HIKESHI: variants seen among roughly 807,000 people sequenced by gnomAD.
The protein encoded by HIKESHI is protein Hikeshi.
Under a neutral mutation model 25.7 loss-of-function variants are expected in HIKESHI, and 13 were observed. That is an observed-to-expected ratio of 0.51 (90% CI 0.33 to 0.80). HIKESHI has a LOEUF of 0.80. Among genes scored for constraint, HIKESHI ranks in the 30% least tolerant of loss-of-function variants. The probability of loss-of-function intolerance (pLI) is 0.02; values close to 1 mark genes in which losing one functional copy is unlikely to be tolerated. For synonymous variants in HIKESHI, 76 were observed against 78.7 expected (o/e 0.97, Z 0.18); for missense variants, 174 against 229.5 (o/e 0.76, Z 1.56).
Position 86,302,422 on chromosome 11 carries a change from T to G in HIKESHI, c.-27T>G. ...CTCCTAGTCGCCGGCTTCAGGTCACTGCCGGCTGAACGGAGCTGCCGTCGC... is the reference window on the plus strand; with the variant it reads ...CTCCTAGTCGCCGGCTTCAGGTCACGGCCGGCTGAACGGAGCTGCCGTCGC... On this transcript the variant is annotated 5_prime_UTR_variant, in exon 1 of 5. Coordinates refer to ENST00000278483, the MANE Select transcript of HIKESHI (RefSeq NM_016401.4). 1 of 1,551,904 alleles carries G rather than the reference T, an allele frequency of 6.4e-7. No homozygotes were observed.
intron 2 of HIKESHI, among the ~76,000 whole-genome samples, chr11:86,325,796 C>T (rs1036114418): frequency 9.2e-5 from 14 of 151,742 alleles, no homozygotes; most frequent in African/African-American, 2.2e-4. Context: ...GGCTTGAACC[C>T]GGGAGGCGGA....
At chr11:86,344,260 T>TC (rs1293227024) in intron 3 of HIKESHI, 2 of 186,298 alleles carry the variant, frequency 1.1e-5, no homozygotes, top group South Asian at 1.9e-4. Flanking sequence ...TCTTTTTTTT[T>TC]CCCCAAAGTG....
chr11:86,313,675 A>G (rs559119555), intron 2 of HIKESHI, among the ~76,000 whole-genome samples: 95 of 152,380 alleles, frequency 6.2e-4, no homozygotes, highest in African/African-American at 2.2e-3. Flanking sequence ...CTTGCCTGAG[A>G]TAACTCATAG....
chr11:86,337,441 A>G lies in HIKESHI; in HGVS notation c.331A>G (p.Ile111Val), dbSNP rs1194645385. ...TGTCCGAACTCCATCTGTTGCTCAGATTGGAATTTCAGTGGAATTATTAGA... is the reference window on the plus strand; with the variant it reads ...TGTCCGAACTCCATCTGTTGCTCAGGTTGGAATTTCAGTGGAATTATTAGA... ...NIVRTPSVAQ[I>V]GISVELLDSM... Residue 111 changes from isoleucine to valine, a missense_variant, in exon 3 of 5, where the codon ATT (isoleucine) becomes GTT (valine). Ile to Val is a conservative substitution (Grantham distance 29, BLOSUM62 3). Coordinates refer to ENST00000278483, the MANE Select transcript of HIKESHI (RefSeq NM_016401.4). The G allele has an allele frequency of 1.2e-6, 2 of 1,613,912 alleles. No homozygotes were observed. Among genetic ancestry groups the G allele is most frequent in the African/African-American group, 1.3e-5 (1 of 74,924 alleles).
rs1362694004 is a variant in HIKESHI at position 86,306,264 on chromosome 11, A to G, written c.50A>G (p.Gln17Arg). 2 of 1,613,134 alleles carry G rather than the reference A, an allele frequency of 1.2e-6. No homozygotes were observed. Among genetic ancestry groups the G allele is most frequent in the East Asian group, 2.2e-5 (1 of 44,878 alleles). Residue 17 changes from glutamine to arginine, a missense_variant, in exon 2 of 5, where the codon CAA becomes CGA. By Grantham distance (43) the Gln-to-Arg change is conservative. Coordinates refer to ENST00000278483, the MANE Select transcript of HIKESHI (RefSeq NM_016401.4). ...AGRLVQTAAQ[Q>R]VAEDKFVFDL... is the part of the protein sequence containing the mutation. ...TTCTAGGTGCAAACAGCTGCACAGC[A>G]AGTGGCAGAGGATAAATTTGTTTTT...
chr11:86,329,609 G>A (rs1439624882), intron 2 of HIKESHI, among the ~76,000 whole-genome samples: 2 of 138,762 alleles, frequency 1.4e-5, no homozygotes, highest in Non-Finnish European at 3.1e-5. Context: ...TTATGGTATT[G>A]TCTAGGCCTT....
intron 2 of HIKESHI, among the ~76,000 whole-genome samples, chr11:86,332,221 CG>C (rs1347206511): frequency 6.6e-6 from 1 of 152,118 alleles, no homozygotes; most frequent in African/African-American, 2.4e-5. Flanking sequence ...GCCTCGGCCT[CG>C]CAAAGTGCTG....
At chr11:86,335,061 A>G (rs1413535901) in intron 2 of HIKESHI, among the ~76,000 whole-genome samples, 1 of 152,180 alleles carries the variant, frequency 6.6e-6, no homozygotes, top group Non-Finnish European at 1.5e-5. Context: ...GCATTTGGCT[A>G]CCCTTGTCCC....
chr11:86,314,488 G>C (rs1946921366), intron 2 of HIKESHI, among the ~76,000 whole-genome samples: 1 of 152,118 alleles, frequency 6.6e-6, no homozygotes, highest in African/African-American at 2.4e-5. Context: ...GGTGGCATGT[G>C]CCTGTAGTCC....
chr11:86,344,069 A>G (rs1012139131), intron 3 of HIKESHI: 2 of 152,244 alleles, frequency 1.3e-5, no homozygotes, highest in Non-Finnish European at 2.9e-5. Context: ...AGCAATGGAA[A>G]TAACCAGTTG....
intron 2 of HIKESHI, among the ~76,000 whole-genome samples, chr11:86,322,160 AT>A (rs1001495515): frequency 4.7e-5 from 7 of 150,452 alleles, no homozygotes; most frequent in Admixed American, 4.6e-4. Flanking sequence ...CTGATTTTAT[AT>A]TTTTTTTAGT....
At chr11:86,342,988 G>A (rs1005839331) in intron 3 of HIKESHI, among the ~76,000 whole-genome samples, 7 of 152,086 alleles carry the variant, frequency 4.6e-5, no homozygotes, top group African/African-American at 1.4e-4. Flanking sequence ...GAATTTTGTT[G>A]GTAATAACAT....
At chr11:86,306,197 C>A (rs767564804) in intron 1 of HIKESHI, 48 bp from the exon 2 acceptor site, 68 of 1,250,596 alleles carry the variant, frequency 5.4e-5, no homozygotes, top group Non-Finnish European at 7.4e-5. Context: ...TTAAGAGTTA[C>A]AGAAACTCAT....
chr11:86,315,352 C>A (rs1351761353), intron 2 of HIKESHI, among the ~76,000 whole-genome samples: 1 of 150,938 alleles, frequency 6.6e-6, no homozygotes, highest in East Asian at 1.9e-4. Context: ...GTCAGTTTCG[C>A]TCTTACTGCC....
intron 2 of HIKESHI, among the ~76,000 whole-genome samples, chr11:86,312,187 G>A (rs1428598056): frequency 2.0e-5 from 3 of 152,128 alleles, no homozygotes; most frequent in African/African-American, 4.8e-5. Context: ...ATCATTGTGT[G>A]GGAGTCTAAG....
rs1947857933 is a variant in HIKESHI at position 86,345,893 on chromosome 11, A to AT, written c.*263dup. Reference sequence around the variant, plus strand: ...AGACATTTTGTTTTGGCTATGATTCATTTTTTTTACTTAAAAATAAAACCT... The same window carrying AT: ...AGACATTTTGTTTTGGCTATGATTCATTTTTTTTTACTTAAAAATAAAACCT... On this transcript the variant is annotated 3_prime_UTR_variant, in exon 5 of 5. Coordinates refer to ENST00000278483, the MANE Select transcript of HIKESHI (RefSeq NM_016401.4). 4.5e-5 allele frequency: 11 copies of AT among 245,504 alleles called. No homozygotes were observed. Among genetic ancestry groups the AT allele is most frequent in the East Asian group, 8.0e-5 (1 of 12,432 alleles). The allele number at this position is 245,504 out of a possible 1,614,324, so 15.2% of individuals were successfully genotyped here.
intron 2 of HIKESHI, among the ~76,000 whole-genome samples, chr11:86,334,350 C>T (rs1237863367): frequency 6.6e-6 from 1 of 151,614 alleles, no homozygotes; most frequent in Non-Finnish European, 1.5e-5. Flanking sequence ...AACTAGCTCC[C>T]TGTAGGAATT....
At chr11:86,311,334 T>C (rs993950544) in intron 2 of HIKESHI, among the ~76,000 whole-genome samples, 4 of 152,248 alleles carry the variant, frequency 2.6e-5, no homozygotes, top group African/African-American at 9.6e-5. Context: ...CTAGATTTTC[T>C]AGTTTATTTG....
At chr11:86,306,806 G>C (rs958565709) in intron 2 of HIKESHI, among the ~76,000 whole-genome samples, 3 of 151,184 alleles carry the variant, frequency 2.0e-5, no homozygotes, top group South Asian at 2.1e-4. Flanking sequence ...AGACCATCCT[G>C]GATAACACGG....
Sources: allele counts gnomAD v4.1 joint callset (sites outside exome capture counted in the v4.1 genomes callset), GRCh38; gene constraint gnomAD v4.1.1; transcripts MANE v1.5; gene names NCBI Gene and HGNC (gene_info 2026-07-23, HGNC 2026-07-21).